SLC4A10: variants seen among roughly 807,000 people sequenced by gnomAD.
The protein encoded by SLC4A10 is sodium-driven chloride bicarbonate exchanger.
In SLC4A10, 42 loss-of-function variants were observed where a neutral mutation model predicts 137.7. That is an observed-to-expected ratio of 0.30 (90% CI 0.24 to 0.39). The LOEUF (loss-of-function observed/expected upper bound fraction) is 0.39. Ranked by LOEUF, SLC4A10 falls within the 10% of genes least tolerant of loss-of-function variation. The pLI is 1.00. For missense variants in SLC4A10, 925 were observed against 1,355.0 expected (o/e 0.68, Z 4.98); for synonymous variants, 474 against 464.1 (o/e 1.02, Z -0.27).
chr2:161,705,591 A>C (rs571033519), intron 1 of SLC4A10, among the ~76,000 whole-genome samples: 1 of 151,594 alleles, frequency 6.6e-6, no homozygotes, highest in Admixed American at 6.6e-5. Context: ...TCACCAATAT[A>C]AGGGCATTAG....
At chr2:161,753,852 C>T (rs1239888019) in intron 1 of SLC4A10, among the ~76,000 whole-genome samples, 1 of 132,968 alleles carries the variant, frequency 7.5e-6, no homozygotes, top group African/African-American at 2.8e-5. Context: ...TTAAATAACT[C>T]GAGTTATTTA....
At chr2:161,740,128 A>T (rs1158929868) in intron 1 of SLC4A10, among the ~76,000 whole-genome samples, 1 of 152,160 alleles carries the variant, frequency 6.6e-6, no homozygotes, top group African/African-American at 2.4e-5. Flanking sequence ...CAGCCCACTG[A>T]GCTGATTTGT....
chr2:161,891,973 G>A (rs564031336), intron 10 of SLC4A10, among the ~76,000 whole-genome samples: 5 of 152,018 alleles, frequency 3.3e-5, no homozygotes, highest in Non-Finnish European at 7.4e-5. Flanking sequence ...AGGGAAGTCT[G>A]ATATACACTG....
intron 2 of SLC4A10, among the ~76,000 whole-genome samples, chr2:161,791,237 C>A (rs1260044826): frequency 2.0e-5 from 3 of 152,088 alleles, no homozygotes; most frequent in Non-Finnish European, 2.9e-5. Context: ...CAGTGATAGA[C>A]TGGATAAAGA....
chr2:161,842,757 A>C (rs1346258629), intron 4 of SLC4A10, among the ~76,000 whole-genome samples: 3 of 152,174 alleles, frequency 2.0e-5, no homozygotes, highest in Non-Finnish European at 4.4e-5. Context: ...AGTTTTAAAA[A>C]TGTGTAATAT....
intron 1 of SLC4A10, among the ~76,000 whole-genome samples, chr2:161,736,195 T>C (rs914212860): frequency 6.6e-6 from 1 of 152,148 alleles, no homozygotes. Context: ...AAGTAATTGA[T>C]AGGCAATAAT....
intron 19 of SLC4A10, among the ~76,000 whole-genome samples, chr2:161,956,248 C>T (rs1017624707): frequency 2.0e-5 from 3 of 152,106 alleles, no homozygotes; most frequent in Non-Finnish European, 2.9e-5. Flanking sequence ...TCATCATCAT[C>T]GTTTTTCAGA....
chr2:161,880,315 G>A (rs1357163392), intron 9 of SLC4A10, among the ~76,000 whole-genome samples: 3 of 152,116 alleles, frequency 2.0e-5, no homozygotes, highest in East Asian at 1.9e-4. Context: ...TAGAATATAT[G>A]TCCTCTATGA....
At chr2:161,887,566 A>C (rs867607963) in intron 10 of SLC4A10, among the ~76,000 whole-genome samples, 2 of 152,182 alleles carry the variant, frequency 1.3e-5, no homozygotes, top group Middle Eastern at 6.8e-3. Context: ...ACCAGTGATG[A>C]TGAGCTTTTT....
At position 161,670,961 on chromosome 2, in the gene SLC4A10, C is replaced by T. The variant is rs555231720; in HGVS notation, c.48+46395C>T. Reference sequence around the variant, plus strand: ...TCCTCCTGAGTGTTCTTTTTGAATGCAGGACCCATTTTAATATTTCTTCGT... The same window carrying T: ...TCCTCCTGAGTGTTCTTTTTGAATGTAGGACCCATTTTAATATTTCTTCGT... On this transcript the variant is annotated intron_variant, in intron 1 of 26. Coordinates refer to ENST00000446997, the MANE Select transcript of SLC4A10 (RefSeq NM_001178015.2). Among the ~76,000 whole-genome samples, 11 of 152,202 alleles carry T rather than the reference C, an allele frequency of 7.2e-5. No homozygotes were observed. The South Asian group carries it at 1.0e-3, about 14-fold the overall frequency.
At chr2:161,742,589 C>T (rs761485212) in intron 1 of SLC4A10, among the ~76,000 whole-genome samples, 13 of 151,640 alleles carry the variant, frequency 8.6e-5, no homozygotes, top group East Asian at 3.9e-4. Flanking sequence ...TACAAGTGCA[C>T]GCCACCAGAC....
At chr2:161,978,395 A>AG (rs1699728317) in intron 26 of SLC4A10, among the ~76,000 whole-genome samples, 1 of 150,680 alleles carries the variant, frequency 6.6e-6, no homozygotes, top group South Asian at 2.1e-4. Flanking sequence ...AAAAAAAAAA[A>AG]AAAAAAGAAA....
At chr2:161,908,885 C>T (rs1243200823) in intron 15 of SLC4A10, among the ~76,000 whole-genome samples, 3 of 151,766 alleles carry the variant, frequency 2.0e-5, no homozygotes, top group Non-Finnish European at 2.9e-5. Context: ...ATTGCAACCT[C>T]CCAGGAGTCA....
At chr2:161,935,568 T>C (rs1443672883) in intron 15 of SLC4A10, among the ~76,000 whole-genome samples, 3 of 152,170 alleles carry the variant, frequency 2.0e-5, no homozygotes, top group African/African-American at 7.2e-5. Context: ...TGTTTTATAG[T>C]TTTCAGTGTA....
At chr2:161,666,051 A>G (rs1266623482) in intron 1 of SLC4A10, among the ~76,000 whole-genome samples, 3 of 150,918 alleles carry the variant, frequency 2.0e-5, no homozygotes, top group East Asian at 3.9e-4. Context: ...TGCCTTACCT[A>G]TAAGTGAACA....
intron 1 of SLC4A10, among the ~76,000 whole-genome samples, chr2:161,696,004 C>A (rs1194563659): frequency 6.6e-6 from 1 of 151,630 alleles, no homozygotes; most frequent in Non-Finnish European, 1.5e-5. Context: ...TGTTGGTGTG[C>A]TGCACCCATT....
chr2:161,686,025 A>G (rs1259591603), intron 1 of SLC4A10, among the ~76,000 whole-genome samples: 1 of 152,222 alleles, frequency 6.6e-6, no homozygotes, highest in Non-Finnish European at 1.5e-5. Flanking sequence ...AGCCCCCAAC[A>G]GGAAAGTGGA....
chr2:161,801,856 TA>T (rs1255424143), intron 2 of SLC4A10, among the ~76,000 whole-genome samples: 1 of 152,088 alleles, frequency 6.6e-6, no homozygotes, highest in Non-Finnish European at 1.5e-5. Flanking sequence ...GTACTTTTTT[TA>T]AAGGTTGCAT....
chr2:161,892,506 C>A (rs1005585888), intron 10 of SLC4A10, among the ~76,000 whole-genome samples: 2 of 151,926 alleles, frequency 1.3e-5, no homozygotes, highest in Non-Finnish European at 2.9e-5. Flanking sequence ...GTTTATCAGA[C>A]CAATAATGTT....
Sources: gnomAD v4.1 joint callset for allele counts (sites outside exome capture counted in the v4.1 genomes callset) on GRCh38, gnomAD v4.1.1 for gene constraint, MANE v1.5 for transcripts, NCBI Gene and HGNC (gene_info 2026-07-23, HGNC 2026-07-21) for gene names.